The following MAP2K1 variants were observed in gnomAD, a reference collection of about 807,000 sequenced individuals.
MAP2K1 encodes dual specificity mitogen-activated protein kinase kinase 1.
A neutral mutation model predicts 46.3 loss-of-function variants in MAP2K1; 16 were observed. That is an observed-to-expected ratio of 0.35 (90% CI 0.23 to 0.52). MAP2K1 has a LOEUF of 0.52. MAP2K1 is among the 20% of genes least tolerant of loss of function. The pLI is 0.94. For missense variants in MAP2K1, 263 were observed against 497.1 expected, an observed-to-expected ratio of 0.53 and a Z score of 4.48; for synonymous variants, 183 against 185.6, an observed-to-expected ratio of 0.99 and a Z score of 0.11.
chr15:66,411,680 C>T (rs1461622662), intron 1 of MAP2K1, among the ~76,000 whole-genome samples: 2 of 152,132 alleles, frequency 1.3e-5, no homozygotes, highest in East Asian at 3.8e-4. Context: ...TTGGTGTATT[C>T]TTCAGTGCGC....
At chr15:66,395,390 G>A (rs1172917686) in intron 1 of MAP2K1, among the ~76,000 whole-genome samples, 4 of 152,116 alleles carry the variant, frequency 2.6e-5, no homozygotes, top group African/African-American at 9.7e-5. Flanking sequence ...TGTTGGCCCT[G>A]CCTTGCCTAT....
At position 66,420,759 on chromosome 15, in the gene MAP2K1, G is replaced by GTGTGTATA. The variant is rs1252003697; in HGVS notation, c.81-14267_81-14266insGTGTATAT. 1.7e-3 allele frequency among the ~76,000 whole-genome samples: 70 copies of GTGTGTATA among 40,056 alleles called. 3 individuals are homozygous for GTGTGTATA. Among genetic ancestry groups the GTGTGTATA allele is most frequent in the Admixed American group, 9.4e-3 (30 of 3,192 alleles). The allele number at this position is 40,056 out of a possible 152,430, so 26.3% of individuals were successfully genotyped here. On this transcript the variant is annotated intron_variant, in intron 1 of 10. Coordinates refer to ENST00000307102, the MANE Select transcript of MAP2K1 (RefSeq NM_002755.4). ...TGTGTGTGTGTGTGTGTGTGTGTGT[G>GTGTGTATA]TATGTGTGTATATATATGTGTATAT...
chr15:66,394,459 CTT>C (rs34599278), intron 1 of MAP2K1, among the ~76,000 whole-genome samples: 22 of 125,468 alleles, frequency 1.8e-4, no homozygotes, highest in South Asian at 2.6e-4. Flanking sequence ...TAACCAGGAA[CTT>C]TTTTTTTTTT....
intron 5 of MAP2K1, among the ~76,000 whole-genome samples, chr15:66,466,549 G>A (rs1892472816): frequency 6.6e-6 from 1 of 152,026 alleles, no homozygotes; most frequent in South Asian, 2.1e-4. Context: ...GCGTGGTGGT[G>A]TGTGCCTGTA....
intron 5 of MAP2K1, among the ~76,000 whole-genome samples, chr15:66,463,138 C>T (rs966438259): frequency 3.3e-5 from 5 of 152,170 alleles, no homozygotes; most frequent in Non-Finnish European, 7.4e-5. Context: ...GTGGGTGGGG[C>T]TCCTTCGGGT....
At chr15:66,420,818 T>C (rs2093438293) in intron 1 of MAP2K1, among the ~76,000 whole-genome samples, 1 of 98,512 alleles carries the variant, frequency 1.0e-5, no homozygotes, top group Non-Finnish European at 2.3e-5. Flanking sequence ...TATATATGTG[T>C]ATATATATAT....
chr15:66,395,451 C>T (rs2093365216), intron 1 of MAP2K1, among the ~76,000 whole-genome samples: 1 of 152,042 alleles, frequency 6.6e-6, no homozygotes. Context: ...GTCCACTTAC[C>T]ACTTTCTTTA....
At chr15:66,433,014 G>A (rs893926051) in intron 1 of MAP2K1, among the ~76,000 whole-genome samples, 4 of 118,812 alleles carry the variant, frequency 3.4e-5, no homozygotes, top group African/African-American at 1.2e-4. Context: ...ACAGCTTTTC[G>A]AATCTGCATT....
intron 1 of MAP2K1, among the ~76,000 whole-genome samples, chr15:66,420,974 T>TACATATACACAC (rs1801338640): frequency 5.7e-5 from 2 of 35,286 alleles, no homozygotes; most frequent in Non-Finnish European, 1.1e-4. Flanking sequence ...TACACACACA[T>TACATATACACAC]ACATACACAC....
intron 1 of MAP2K1, 145 bp downstream of exon 1, chr15:66,387,572 C>A (rs2093344976): frequency 1.3e-6 from 1 of 794,156 alleles, no homozygotes; most frequent in Non-Finnish European, 2.1e-6. Flanking sequence ...GCCGAGGTAT[C>A]GGTGACTAAG....
At chr15:66,476,339 T>G (rs996585702) in intron 5 of MAP2K1, among the ~76,000 whole-genome samples, 3 of 152,192 alleles carry the variant, frequency 2.0e-5, no homozygotes, top group African/African-American at 7.2e-5. Flanking sequence ...AGAGAAGGAC[T>G]GGGCCTGTGA....
Position 66,489,170 on chromosome 15 carries a change from G to A in MAP2K1, c.961-45G>A, listed in dbSNP as rs368000834. 36 of 1,522,912 alleles carry A rather than the reference G, an allele frequency of 2.4e-5. No homozygotes were observed. In the South Asian group the frequency reaches 3.9e-4, roughly 17 times the overall value. The allele number at this position is 1,522,912 out of a possible 1,614,324, so 94.3% of individuals were successfully genotyped here. On this transcript the variant is annotated intron_variant, in intron 8 of 10. Coordinates refer to ENST00000307102, the MANE Select transcript of MAP2K1 (RefSeq NM_002755.4). ...GTGGGATGGGGAGAGGAGATGGCTG[G>A]AGCAAGGAGCCAGGCATTTTTCTTA... is the stretch of plus-strand genomic sequence containing the variant.
At chr15:66,447,530 A>G (rs560389294) in intron 5 of MAP2K1, among the ~76,000 whole-genome samples, 1 of 150,870 alleles carries the variant, frequency 6.6e-6, no homozygotes, top group African/African-American at 2.4e-5. Context: ...GTCTCCACTA[A>G]AAACACAAAA....
At chr15:66,418,536 G>C (rs1347605482) in intron 1 of MAP2K1, among the ~76,000 whole-genome samples, 2 of 152,146 alleles carry the variant, frequency 1.3e-5, no homozygotes, top group African/African-American at 4.8e-5. Flanking sequence ...CAAGAACAGG[G>C]AATGGGTAAT....
chr15:66,389,412 C>T (rs2093351545), intron 1 of MAP2K1, among the ~76,000 whole-genome samples: 1 of 152,046 alleles, frequency 6.6e-6, no homozygotes, highest in Non-Finnish European at 1.5e-5. Flanking sequence ...TGTATTCTCT[C>T]AAGGAGGAGG....
intron 5 of MAP2K1, 76 bp from the exon 6 acceptor site, chr15:66,481,679 G>C (rs1427624748): frequency 6.4e-6 from 10 of 1,551,128 alleles, no homozygotes; most frequent in Non-Finnish European, 1.8e-6. Flanking sequence ...GGGCTGGTCT[G>C]TGTGGAATGC....
chr15:66,391,932 A>G (rs2093356922), intron 1 of MAP2K1, among the ~76,000 whole-genome samples: 1 of 152,248 alleles, frequency 6.6e-6, no homozygotes, highest in Admixed American at 6.5e-5. Context: ...TTTCATAGAC[A>G]GGATAGAATA....
chr15:66,420,881 ATG>A (rs200428451), intron 1 of MAP2K1, among the ~76,000 whole-genome samples: 2 of 122,180 alleles, frequency 1.6e-5, no homozygotes, highest in African/African-American at 5.9e-5. Context: ...GTGTATATAT[ATG>A]TGTATATATA....
rs114150256 is a variant in MAP2K1, at chr15:66,416,002, C to T, written c.81-19025C>T. Among the ~76,000 whole-genome samples, 1,321 of 152,268 alleles carry T rather than the reference C, an allele frequency of 8.7e-3. 16 individuals are homozygous for T. The highest frequency in any genetic ancestry group is 0.03 in the African/African-American group (1,243 of 41,554). Reference sequence around the variant, plus strand: ...ACAGAAGTCACCCTAGCTCCCCACTCGCCTTCTAAACCTAATTCTTTAGCA... The same window carrying T: ...ACAGAAGTCACCCTAGCTCCCCACTTGCCTTCTAAACCTAATTCTTTAGCA... On this transcript the variant is annotated intron_variant, in intron 1 of 10. Transcript: ENST00000307102.
Sources: allele counts gnomAD v4.1 joint callset (sites outside exome capture counted in the v4.1 genomes callset), GRCh38; gene constraint gnomAD v4.1.1; transcripts MANE v1.5; gene names NCBI Gene and HGNC (gene_info 2026-07-23, HGNC 2026-07-21).